ZBTB20: variants seen among roughly 807,000 people sequenced by gnomAD.
ZBTB20 encodes the protein zinc finger and BTB domain containing 20, also known as zinc finger and BTB domain-containing protein 20.
Under a neutral mutation model 56.9 loss-of-function variants are expected in ZBTB20, and 9 were observed. The ratio of observed to expected loss-of-function variants is 0.16; its 90% confidence interval spans 0.10 to 0.28. ZBTB20 has a LOEUF of 0.28. Among genes scored for constraint, ZBTB20 ranks in the 10% least tolerant of loss-of-function variants. ZBTB20 has a pLI of 1.00. For missense variants in ZBTB20, 655 were observed against 1,003.0 expected (o/e 0.65, Z 4.69); for synonymous variants, 417 against 420.7 (o/e 0.99, Z 0.11).
intron 7 of ZBTB20, among the ~76,000 whole-genome samples, chr3:114,495,377 G>A (rs1559869419): frequency 1.3e-5 from 2 of 152,002 alleles, no homozygotes; most frequent in Non-Finnish European, 2.9e-5. Context: ...AGAGGTTGTC[G>A]CAGTGCAGTG....
chr3:114,597,549 C>T (rs982572715), intron 6 of ZBTB20, among the ~76,000 whole-genome samples: 3 of 152,148 alleles, frequency 2.0e-5, no homozygotes, highest in Admixed American at 6.6e-5. Flanking sequence ...CTGTTCTATA[C>T]TAGAGTTGTA....
intron 6 of ZBTB20, among the ~76,000 whole-genome samples, chr3:114,604,648 G>A (rs886997574): frequency 5.9e-5 from 9 of 152,012 alleles, no homozygotes; most frequent in South Asian, 2.1e-4. Context: ...TTTAGCTACC[G>A]GTGCAGCCAA....
chr3:114,647,012 G>C (rs1184973837), intron 6 of ZBTB20, among the ~76,000 whole-genome samples: 2 of 151,966 alleles, frequency 1.3e-5, no homozygotes, highest in Non-Finnish European at 2.9e-5. Context: ...AGGCTGGAGT[G>C]CAGTGGCGCG....
chr3:114,794,396 G>A (rs2071196327), intron 5 of ZBTB20, among the ~76,000 whole-genome samples: 1 of 152,026 alleles, frequency 6.6e-6, no homozygotes. Flanking sequence ...CATATTAGCT[G>A]GTTTGGCTGT....
At position 114,845,767 on chromosome 3, in the gene ZBTB20, T is replaced by C. The variant is rs534462724; in HGVS notation, c.-416-44593A>G. 7.2e-5 allele frequency among the ~76,000 whole-genome samples: 11 copies of C among 152,352 alleles called. No homozygotes were observed. The East Asian group carries it at 1.9e-3, about 27-fold the overall frequency. Reference sequence around the variant, plus strand: ...TTTTACCAACAACCAATGTCAATTGTAATTATATACATATTTTCTATTATA... The same window carrying C: ...TTTTACCAACAACCAATGTCAATTGCAATTATATACATATTTTCTATTATA... On this transcript the variant is annotated intron_variant, in intron 4 of 11. Coordinates refer to ENST00000675478, the MANE Select transcript of ZBTB20 (RefSeq NM_001348800.3).
intron 6 of ZBTB20, among the ~76,000 whole-genome samples, chr3:114,585,479 C>A (rs2055087276): frequency 6.6e-6 from 1 of 152,150 alleles, no homozygotes; most frequent in Non-Finnish European, 1.5e-5. Context: ...CGTATGTGCA[C>A]ATGTGTGTGG....
chr3:114,459,475 GGTTA>G (rs1405421439), intron 7 of ZBTB20, among the ~76,000 whole-genome samples: 2 of 152,034 alleles, frequency 1.3e-5, no homozygotes, highest in Non-Finnish European at 2.9e-5. Flanking sequence ...ACTGCCCTCT[GGTTA>G]GTTACTCATT....
At chr3:114,784,018 G>A (rs531437547) in intron 5 of ZBTB20, among the ~76,000 whole-genome samples, 6 of 152,044 alleles carry the variant, frequency 3.9e-5, no homozygotes, top group African/African-American at 9.7e-5. Flanking sequence ...TGGTCTTTTC[G>A]TTGTGGTTCT....
chr3:114,346,302 G>A (rs1482401679), intron 11 of ZBTB20, among the ~76,000 whole-genome samples: 2 of 152,154 alleles, frequency 1.3e-5, no homozygotes, highest in Non-Finnish European at 2.9e-5. Flanking sequence ...AGTGTCTCCT[G>A]GGTAGTAGGG....
chr3:115,127,923 A>T (rs2084379170), intron 1 of ZBTB20, among the ~76,000 whole-genome samples: 1 of 152,222 alleles, frequency 6.6e-6, no homozygotes. Flanking sequence ...TTAAGAGAAG[A>T]TCGCTTTGGT....
At chr3:114,976,247 A>G (rs1197143867) in intron 2 of ZBTB20, among the ~76,000 whole-genome samples, 1 of 152,220 alleles carries the variant, frequency 6.6e-6, no homozygotes, top group Non-Finnish European at 1.5e-5. Context: ...GATATTTTAG[A>G]TAGATTTGGA....
At chr3:114,457,953 G>A (rs960248176) in intron 7 of ZBTB20, among the ~76,000 whole-genome samples, 1 of 152,090 alleles carries the variant, frequency 6.6e-6, no homozygotes, top group Non-Finnish European at 1.5e-5. Flanking sequence ...TTATTTCATT[G>A]GAGATCAGTA....
chr3:114,896,063 T>G (rs945374804), intron 4 of ZBTB20, among the ~76,000 whole-genome samples: 1 of 152,164 alleles, frequency 6.6e-6, no homozygotes, highest in South Asian at 2.1e-4. Flanking sequence ...TTGAAAGCAT[T>G]TGAACTCACA....
chr3:114,445,513 C>T (rs574250112), intron 7 of ZBTB20: 24 of 152,286 alleles, frequency 1.6e-4, no homozygotes, highest in African/African-American at 5.5e-4. Flanking sequence ...TACAGCACCT[C>T]AGTGCAATGA....
intron 4 of ZBTB20, among the ~76,000 whole-genome samples, chr3:114,844,671 AC>A (rs1305605642): frequency 6.6e-6 from 1 of 150,594 alleles, no homozygotes; most frequent in Non-Finnish European, 1.5e-5. Context: ...ATTTTACTTT[AC>A]TGCCAGCAAC....
In ZBTB20 at chr3:114,351,274, G is replaced by A. The variant is rs2080645386; in HGVS notation, c.804C>T (p.Ser268=). The change falls in exon 11 of 12, where the codon AGC becomes AGT. Residue 268 remains serine, a synonymous_variant. Coordinates refer to ENST00000675478, the MANE Select transcript of ZBTB20 (RefSeq NM_001348800.3). ...GCAGGCCGAGCGCAGTCTCGTGGTG[G>A]CTGACCACTGCGCCGCTGTAAAAAG... is the stretch of plus-strand genomic sequence containing the variant. The part of the protein sequence containing the change: ...ERSFYSGAVV[S]HHETALGLPR... The A allele has an allele frequency of 1.9e-6, 3 of 1,602,790 alleles. No homozygotes were observed. Among genetic ancestry groups the A allele is most frequent in the African/African-American group, 1.3e-5 (1 of 74,950 alleles).
At chr3:114,742,727 CCCT>C (rs2066706172) in intron 5 of ZBTB20, among the ~76,000 whole-genome samples, 1 of 152,076 alleles carries the variant, frequency 6.6e-6, no homozygotes, top group African/African-American at 2.4e-5. Flanking sequence ...GGTTTTTTAA[CCCT>C]GATTGCACAT....
chr3:114,882,225 G>A (rs569305600), intron 4 of ZBTB20, among the ~76,000 whole-genome samples: 4 of 152,030 alleles, frequency 2.6e-5, no homozygotes, highest in South Asian at 2.1e-4. Context: ...TCTAACTCCT[G>A]AGTAAAGAAA....
At chr3:114,670,651 G>A (rs1228528894) in intron 6 of ZBTB20, among the ~76,000 whole-genome samples, 1 of 152,052 alleles carries the variant, frequency 6.6e-6, no homozygotes, top group Non-Finnish European at 1.5e-5. Context: ...GGAATGTTCT[G>A]GTACTGTAAA....
Sources: gnomAD v4.1 joint callset for allele counts (sites outside exome capture counted in the v4.1 genomes callset) on GRCh38, gnomAD v4.1.1 for gene constraint, MANE v1.5 for transcripts, NCBI Gene and HGNC (gene_info 2026-07-23, HGNC 2026-07-21) for gene names.